Variants in CNTN4 observed in about 807,000 individuals in gnomAD.
CNTN4 encodes contactin 4.
Under a neutral mutation model 122.5 loss-of-function variants are expected in CNTN4, and 77 were observed. The observed-to-expected ratio is 0.63, with a 90% CI of 0.52 to 0.76. The LOEUF is 0.76. Among genes scored for constraint, CNTN4 ranks in the 30% least tolerant of loss-of-function variants. The probability of loss-of-function intolerance (pLI) is 0.00; values close to 1 mark genes in which losing one functional copy is unlikely to be tolerated. For synonymous variants in CNTN4, 512 were observed against 447.0 expected, an observed-to-expected ratio of 1.15 and a Z score of -1.83; for missense variants, 1,256 against 1,259.1, an observed-to-expected ratio of 1.00 and a Z score of 0.04.
At chr3:2,575,599 G>T (rs1028566997) in intron 4 of CNTN4, among the ~76,000 whole-genome samples, 24 of 152,094 alleles carry the variant, frequency 1.6e-4, no homozygotes, top group African/African-American at 5.1e-4. Flanking sequence ...GAATGCTCTT[G>T]CCTTAAATGT....
chr3:2,392,496 C>CT (rs796245069), intron 3 of CNTN4, among the ~76,000 whole-genome samples: 21 of 151,952 alleles, frequency 1.4e-4, no homozygotes, highest in African/African-American at 4.6e-4. Context: ...CTCTCAATTT[C>CT]TTTTTTTTCA....
chr3:2,187,324 A>C (rs1382646486), intron 2 of CNTN4, among the ~76,000 whole-genome samples: 2 of 152,166 alleles, frequency 1.3e-5, no homozygotes, highest in African/African-American at 4.8e-5. Flanking sequence ...TGTTTTGGTT[A>C]CTATATCCTT....
intron 2 of CNTN4, chr3:2,262,491 G>A (rs566080817): frequency 6.6e-6 from 1 of 152,132 alleles, no homozygotes; most frequent in South Asian, 2.1e-4. Flanking sequence ...ATAAGCTCGG[G>A]CCTGTCTTAT....
chr3:2,989,628 AGAG>A (rs201511113), intron 14 of CNTN4, among the ~76,000 whole-genome samples: 1,681 of 152,298 alleles, frequency 0.011, 24 homozygotes, highest in African/African-American at 0.038. Context: ...TGGAAGTCCA[AGAG>A]TTAGAACTAA....
At chr3:2,651,164 G>A (rs942263836) in intron 4 of CNTN4, among the ~76,000 whole-genome samples, 1 of 152,170 alleles carries the variant, frequency 6.6e-6, no homozygotes. Flanking sequence ...AAAGATTCAA[G>A]AGTGGCCATT....
At chr3:2,971,891 C>T (rs914480713) in intron 13 of CNTN4, among the ~76,000 whole-genome samples, 3 of 152,110 alleles carry the variant, frequency 2.0e-5, no homozygotes, top group African/African-American at 7.2e-5. Flanking sequence ...ACTCTCATAG[C>T]CACATTTTCG....
chr3:2,213,243 A>G (rs2038697700), intron 2 of CNTN4, among the ~76,000 whole-genome samples: 1 of 152,164 alleles, frequency 6.6e-6, no homozygotes, highest in South Asian at 2.1e-4. Context: ...GTCTAACTTC[A>G]CATAGCTGGT....
chr3:2,936,652 C>T (rs2094569702), intron 13 of CNTN4, among the ~76,000 whole-genome samples: 1 of 152,166 alleles, frequency 6.6e-6, no homozygotes, highest in Non-Finnish European at 1.5e-5. Flanking sequence ...CCTCTTGCTG[C>T]AAAGCCTGAG....
At chr3:2,411,434 T>C (rs920227744) in intron 3 of CNTN4, among the ~76,000 whole-genome samples, 1 of 152,202 alleles carries the variant, frequency 6.6e-6, no homozygotes, top group Non-Finnish European at 1.5e-5. Flanking sequence ...CTACCTGAAA[T>C]CTAACTAAGA....
At chr3:2,726,838 T>G (rs1441244441) in intron 4 of CNTN4, among the ~76,000 whole-genome samples, 1 of 152,170 alleles carries the variant, frequency 6.6e-6, no homozygotes, top group Non-Finnish European at 1.5e-5. Flanking sequence ...TTAGTTAATA[T>G]GCATGCATTC....
At chr3:2,812,262 C>CT (rs1381130790) in intron 6 of CNTN4, among the ~76,000 whole-genome samples, 1 of 152,096 alleles carries the variant, frequency 6.6e-6, no homozygotes, top group Non-Finnish European at 1.5e-5. Flanking sequence ...ACATGTACCC[C>CT]TAAACTTAAA....
In CNTN4 at chr3:2,141,678, A is replaced by T. The variant is rs73806321; in HGVS notation, c.-145+41039A>T. Among the ~76,000 whole-genome samples, 291 of 152,280 alleles carry T rather than the reference A, an allele frequency of 1.9e-3. 3 individuals carry two copies. Among genetic ancestry groups the T allele is most frequent in the African/African-American group, 6.7e-3 (278 of 41,562 alleles). On this transcript the variant is annotated intron_variant, in intron 2 of 24. Coordinates refer to ENST00000418658, the MANE Select transcript of CNTN4 (RefSeq NM_175607.3). ...GCCTTTTGAGATTAATCTTTAACTC[A>T]TATTCTAAAATCATATAGCTCCCTG...
chr3:2,742,141 GAAC>G (rs2089490550), intron 5 of CNTN4, among the ~76,000 whole-genome samples: 1 of 152,090 alleles, frequency 6.6e-6, no homozygotes, highest in Non-Finnish European at 1.5e-5. Context: ...TGAGGGGGAA[GAAC>G]AAGTAGAAGA....
rs574581262 is a variant in CNTN4, at chr3:2,484,718, T to A, written c.-88-86698T>A. On this transcript the variant is annotated intron_variant, in intron 3 of 24. Coordinates refer to ENST00000418658, the MANE Select transcript of CNTN4 (RefSeq NM_175607.3). Reference sequence around the variant, plus strand: ...TGCTCTTGAACTGTATTTTTCTGTGTATCCTGAGCCTATTGAGAGGTGACA... The same window carrying A: ...TGCTCTTGAACTGTATTTTTCTGTGAATCCTGAGCCTATTGAGAGGTGACA... Among the ~76,000 whole-genome samples, 10 of 152,308 alleles carry A rather than the reference T, an allele frequency of 6.6e-5. No individual in the cohort carries two copies. The South Asian group carries it at 2.1e-3, about 32-fold the overall frequency.
chr3:2,338,845 T>C (rs2044066853), intron 2 of CNTN4, among the ~76,000 whole-genome samples: 1 of 152,152 alleles, frequency 6.6e-6, no homozygotes, highest in Non-Finnish European at 1.5e-5. Context: ...ATGTACCCTC[T>C]TAAGAAATTG....
intron 4 of CNTN4, among the ~76,000 whole-genome samples, chr3:2,677,955 C>T (rs1231899386): frequency 6.6e-6 from 1 of 152,136 alleles, no homozygotes; most frequent in Non-Finnish European, 1.5e-5. Flanking sequence ...TATTAGCTGT[C>T]ACCAAATCCC....
At chr3:2,478,585 C>A (rs1175044556) in intron 3 of CNTN4, among the ~76,000 whole-genome samples, 1 of 152,138 alleles carries the variant, frequency 6.6e-6, no homozygotes, top group Non-Finnish European at 1.5e-5. Flanking sequence ...CCTCCGCCCA[C>A]ACCCGTCCCT....
chr3:2,680,198 T>C (rs1370273465), intron 4 of CNTN4, among the ~76,000 whole-genome samples: 1 of 152,124 alleles, frequency 6.6e-6, no homozygotes, highest in Non-Finnish European at 1.5e-5. Flanking sequence ...GTGTAATAGA[T>C]ACATGAACCC....
intron 2 of CNTN4, among the ~76,000 whole-genome samples, chr3:2,144,647 C>T (rs2035158502): frequency 6.6e-6 from 1 of 152,206 alleles, no homozygotes; most frequent in Non-Finnish European, 1.5e-5. Flanking sequence ...GTATTATACT[C>T]ATCCCTCTGA....
Sources: allele counts gnomAD v4.1 joint callset (sites outside exome capture counted in the v4.1 genomes callset), GRCh38; gene constraint gnomAD v4.1.1; transcripts MANE v1.5; gene names NCBI Gene and HGNC (gene_info 2026-07-23, HGNC 2026-07-21).